The following GRID2 variants were observed in gnomAD, a reference collection of about 807,000 sequenced individuals.
GRID2 encodes the protein glutamate ionotropic receptor delta type subunit 2, also known as glutamate receptor ionotropic, delta-2.
In GRID2, 33 loss-of-function variants were observed where a neutral mutation model predicts 114.8. The observed-to-expected ratio is 0.29, with a 90% CI of 0.22 to 0.38. The LOEUF (loss-of-function observed/expected upper bound fraction) is 0.38, where lower values mean the gene tolerates loss of function less well. Ranked by LOEUF, GRID2 falls within the 10% of genes least tolerant of loss-of-function variation. The probability of loss-of-function intolerance (pLI) is 1.00; values close to 1 mark genes in which losing one functional copy is unlikely to be tolerated. For missense variants in GRID2, 1,184 were observed against 1,257.7 expected (o/e 0.94, Z 0.89); for synonymous variants, 505 against 449.9 (o/e 1.12, Z -1.55).
chr4:92,663,368 G>T (rs997715899), intron 2 of GRID2, among the ~76,000 whole-genome samples: 13 of 151,164 alleles, frequency 8.6e-5, no homozygotes, highest in Non-Finnish European at 1.9e-4. Context: ...AAAAAGGTTA[G>T]AGATAATATT....
At chr4:93,588,331 T>C (rs576027597) in intron 13 of GRID2, among the ~76,000 whole-genome samples, 1 of 152,286 alleles carries the variant, frequency 6.6e-6, no homozygotes, top group African/African-American at 2.4e-5. Flanking sequence ...AGGTTTTTTA[T>C]ACACATTCAT....
intron 9 of GRID2, among the ~76,000 whole-genome samples, chr4:93,396,796 G>C (rs1305531594): frequency 6.6e-6 from 1 of 151,884 alleles, no homozygotes; most frequent in Non-Finnish European, 1.5e-5. Flanking sequence ...TTCTTAAACA[G>C]TAAAATACTC....
intron 8 of GRID2, among the ~76,000 whole-genome samples, chr4:93,315,338 C>T (rs1234647104): frequency 6.6e-6 from 1 of 152,080 alleles, no homozygotes; most frequent in African/African-American, 2.4e-5. Flanking sequence ...TAATGTACAG[C>T]ATTATATATA....
At chr4:92,676,165 C>T (rs1477309401) in intron 2 of GRID2, among the ~76,000 whole-genome samples, 2 of 96,700 alleles carry the variant, frequency 2.1e-5, no homozygotes, top group African/African-American at 7.4e-5. Flanking sequence ...AGCCCCCCCC[C>T]CCCCCTTTTT....
At chr4:93,266,072 T>C (rs937517903) in intron 8 of GRID2, among the ~76,000 whole-genome samples, 7 of 152,068 alleles carry the variant, frequency 4.6e-5, no homozygotes, top group Admixed American at 3.9e-4. Context: ...TCCTACACAC[T>C]CACTCAGACG....
chr4:92,534,294 A>C (rs1361639650), intron 1 of GRID2, among the ~76,000 whole-genome samples: 1 of 152,164 alleles, frequency 6.6e-6, no homozygotes, highest in Non-Finnish European at 1.5e-5. Flanking sequence ...CATACTTGCA[A>C]AAGTGACTGG....
intron 11 of GRID2, among the ~76,000 whole-genome samples, chr4:93,483,847 A>G (rs1264231590): frequency 1.3e-5 from 2 of 151,922 alleles, no homozygotes; most frequent in African/African-American, 4.8e-5. Context: ...CAAATACCCA[A>G]CTTCAGAGTC....
chr4:92,989,477 G>A (rs1358089700), intron 2 of GRID2, among the ~76,000 whole-genome samples: 2 of 151,420 alleles, frequency 1.3e-5, no homozygotes, highest in Admixed American at 1.3e-4. Context: ...CTCCTTCACC[G>A]AGATGGCTTA....
At chr4:92,622,196 C>G (rs1353163830) in intron 2 of GRID2, among the ~76,000 whole-genome samples, 5 of 151,648 alleles carry the variant, frequency 3.3e-5, no homozygotes, top group Admixed American at 3.3e-4. Context: ...GATTTCATAG[C>G]AAGAATCTGT....
intron 12 of GRID2, among the ~76,000 whole-genome samples, chr4:93,494,711 G>T (rs1727360536): frequency 6.6e-6 from 1 of 151,656 alleles, no homozygotes; most frequent in Non-Finnish European, 1.5e-5. Flanking sequence ...GAAAAAAAAT[G>T]CCATTTCCAC....
intron 2 of GRID2, among the ~76,000 whole-genome samples, chr4:92,981,538 C>T (rs1047168776): frequency 2.6e-5 from 4 of 151,956 alleles, no homozygotes; most frequent in Non-Finnish European, 4.4e-5. Flanking sequence ...GCGGCTAACC[C>T]TCATTTCCAA....
intron 11 of GRID2, among the ~76,000 whole-genome samples, chr4:93,476,166 G>C (rs1725303978): frequency 6.6e-6 from 1 of 152,046 alleles, no homozygotes; most frequent in African/African-American, 2.4e-5. Flanking sequence ...CTTTTGGTTG[G>C]TTGTTTACTT....
intron 3 of GRID2, among the ~76,000 whole-genome samples, chr4:93,107,929 A>C (rs1042442893): frequency 6.6e-6 from 1 of 152,106 alleles, no homozygotes; most frequent in African/African-American, 2.4e-5. Flanking sequence ...ATTTTGAATA[A>C]AATTAAAACC....
At chr4:92,520,342 CAA>C (rs1469170267) in intron 1 of GRID2, among the ~76,000 whole-genome samples, 2 of 150,640 alleles carry the variant, frequency 1.3e-5, no homozygotes, top group Non-Finnish European at 3.0e-5. Flanking sequence ...AGGAAGAAAA[CAA>C]AGATATTTTC....
intron 2 of GRID2, among the ~76,000 whole-genome samples, chr4:93,016,282 A>T (rs1578758216): frequency 6.6e-6 from 1 of 152,150 alleles, no homozygotes; most frequent in East Asian, 1.9e-4. Context: ...ACAGGAGGGA[A>T]GTTAAGGAAT....
Position 92,667,703 on chromosome 4 carries a change from T to TA in GRID2, c.244+77425dup, listed in dbSNP as rs529873357. 5.3e-5 allele frequency among the ~76,000 whole-genome samples: 8 copies of TA among 151,304 alleles called. No homozygotes were observed. In the South Asian group the frequency reaches 1.2e-3, roughly 24 times the overall value. On this transcript the variant is annotated intron_variant, in intron 2 of 15. Transcript: ENST00000282020. ...TTCATTTAAGACAAATCTAGAAAAT[T>TA]AAAAAAAATACCCCCTAGAGTGAAA...
chr4:93,775,136 T>C (rs574890925), downstream of GRID2, among the ~76,000 whole-genome samples: 52 of 95,756 alleles, frequency 5.4e-4, 1 homozygote, highest in South Asian at 0.018. Context: ...TTTGAAAACA[T>C]AATTTACTAA....
chr4:93,583,857 TACA>T (rs1737250306), intron 13 of GRID2, among the ~76,000 whole-genome samples: 1 of 152,204 alleles, frequency 6.6e-6, no homozygotes, highest in South Asian at 2.1e-4. Flanking sequence ...GCAAACAAAC[TACA>T]ACAATAGCAC....
chr4:92,709,826 A>G (rs1258275122), intron 2 of GRID2, among the ~76,000 whole-genome samples: 2 of 151,834 alleles, frequency 1.3e-5, no homozygotes, highest in African/African-American at 2.4e-5. Context: ...TCAGATTCAG[A>G]GTTGGATCAA....
Sources: gnomAD v4.1 joint callset for allele counts (sites outside exome capture counted in the v4.1 genomes callset) on GRCh38, gnomAD v4.1.1 for gene constraint, MANE v1.5 for transcripts, NCBI Gene and HGNC (gene_info 2026-07-23, HGNC 2026-07-21) for gene names.